The following RNF217 variants were observed in gnomAD, a reference collection of about 807,000 sequenced individuals.
RNF217 encodes E3 ubiquitin-protein ligase RNF217.
In RNF217, 31 loss-of-function variants were observed where a neutral mutation model predicts 57.8. The ratio of observed to expected loss-of-function variants is 0.54; its 90% CI spans 0.40 to 0.72. The LOEUF is 0.72. RNF217 is among the 30% of genes least tolerant of loss of function. RNF217 has a pLI of 0.00. For synonymous variants in RNF217, 313 were observed against 294.0 expected (o/e 1.06, Z -0.66); for missense variants, 696 against 708.3 (o/e 0.98, Z 0.20).
chr6:124,962,773 G>C lies in RNF217; in HGVS notation c.229G>C (p.Gly77Arg). The change falls in exon 1 of 6, where the codon GGC becomes CGC. Residue 77 changes from glycine to arginine, a missense_variant. By Grantham distance (125) the Gly-to-Arg change is moderately radical (BLOSUM62 -2). Transcript: ENST00000521654. The surrounding 1 kb of genome is among the most constrained non-coding windows in gnomAD (Gnocchi z 4.6). Reference sequence around the variant, plus strand: ...GCCCGCGAGGAGCCTGGGGCCCCCGGGCTGGAGTAAGAGCCGAGCACCGGC... The same window carrying C: ...GCCCGCGAGGAGCCTGGGGCCCCCGCGCTGGAGTAAGAGCCGAGCACCGGC... ...PEPARSLGPP[G>R]WSKSRAPAQP... 4 of 1,595,448 alleles carry C rather than the reference G, an allele frequency of 2.5e-6. No homozygotes were observed. In the Middle Eastern group the frequency reaches 5.7e-4, roughly 227 times the overall value.
At chr6:125,063,954 T>C (rs963114309) in intron 3 of RNF217, among the ~76,000 whole-genome samples, 2 of 152,216 alleles carry the variant, frequency 1.3e-5, no homozygotes, top group East Asian at 1.9e-4. Flanking sequence ...CAAGAATGTA[T>C]TGATTCAAAG....
At chr6:125,016,905 C>T (rs981066925) in intron 1 of RNF217, among the ~76,000 whole-genome samples, 1 of 152,028 alleles carries the variant, frequency 6.6e-6, no homozygotes, top group Non-Finnish European at 1.5e-5. Context: ...ACGTTCTGCA[C>T]ATGTATCACA....
Position 125,081,493 on chromosome 6 carries a change from T to C in RNF217, c.1541T>C (p.Ile514Thr), listed in dbSNP as rs1223219455. 6.2e-7 allele frequency: 1 copy of C among 1,611,040 alleles called. No individual in the cohort carries two copies. Among genetic ancestry groups the C allele is most frequent in the Admixed American group, 1.7e-5 (1 of 59,798 alleles). ...IMVLGLALGA[I>T]AVVIGLFVFP... ...GTTTTGGGATTGGCACTAGGGGCCA[T>C]AGCGGTTGTAATCGGTAAGAAACAC... Residue 514 changes from isoleucine (I) to threonine (T), a missense_variant, in exon 5 of 6, where the codon ATA becomes ACA. Transcript: ENST00000521654.
chr6:125,076,853 T>C lies in RNF217; in HGVS notation c.1478T>C (p.Val493Ala). 1 of 1,613,022 alleles carries C rather than the reference T, an allele frequency of 6.2e-7. No individual in the cohort carries two copies. Among genetic ancestry groups the C allele is most frequent in the Non-Finnish European group, 8.5e-7 (1 of 1,179,194 alleles). Reference protein sequence around the residue: ...PHLRRLVRGSVCAGKLFIAPL... With the variant: ...PHLRRLVRGSACAGKLFIAPL... ...TTAAGGAGATTAGTGCGAGGGTCAG[T>C]CTGTGGTGAGTGTCTGACATACTTA... Residue 493 changes from valine to alanine, a missense_variant, in exon 4 of 6, where the codon GTC (valine) becomes GCC (alanine). Physicochemically the swap from Val to Ala is moderately conservative, Grantham distance 64 (BLOSUM62 0). Coordinates refer to ENST00000521654, the MANE Select transcript of RNF217 (RefSeq NM_001286398.3).
chr6:125,011,524 C>G (rs1266019056), intron 1 of RNF217, among the ~76,000 whole-genome samples: 21 of 152,068 alleles, frequency 1.4e-4, no homozygotes, highest in Admixed American at 1.4e-3. Context: ...GTTTCTTGAT[C>G]TATTATTTTT....
intron 2 of RNF217, among the ~76,000 whole-genome samples, chr6:125,055,120 C>T (rs1385151950): frequency 6.6e-6 from 1 of 152,146 alleles, no homozygotes; most frequent in African/African-American, 2.4e-5. Flanking sequence ...GGGACAATTT[C>T]AGATGTAGTC....
chr6:125,051,746 T>C (rs1413999104), intron 2 of RNF217, among the ~76,000 whole-genome samples: 6 of 152,060 alleles, frequency 3.9e-5, no homozygotes. Flanking sequence ...GTGGACCTCT[T>C]GCTACTTTAT....
intron 1 of RNF217, among the ~76,000 whole-genome samples, chr6:124,982,202 A>G (rs1029122533): frequency 6.6e-6 from 1 of 152,082 alleles, no homozygotes; most frequent in Admixed American, 6.5e-5. Context: ...CCCTTGGCTT[A>G]GTGATTTTTG....
chr6:125,042,161 T>G (rs1232411507), intron 1 of RNF217, among the ~76,000 whole-genome samples: 1 of 152,090 alleles, frequency 6.6e-6, no homozygotes, highest in Non-Finnish European at 1.5e-5. Flanking sequence ...AGGTGATGAG[T>G]AACACTATAT....
chr6:124,998,234 A>G (rs768141975), intron 1 of RNF217, among the ~76,000 whole-genome samples: 7 of 151,776 alleles, frequency 4.6e-5, no homozygotes, highest in Admixed American at 6.6e-5. Flanking sequence ...TTGCCCCTCT[A>G]TTCTCCTATC....
At position 124,967,745 on chromosome 6, in the gene RNF217, TC is replaced by T. The variant is rs147426032; in HGVS notation, c.882+4321del. ...TATCCTATTATTAAATTATGAGTCA[TC>T]CAAATCTTCATGGGTAAAAGTGTAA... is the stretch of plus-strand genomic sequence containing the variant. On this transcript the variant is annotated intron_variant, in intron 1 of 5. Transcript: ENST00000521654. 2.7e-3 allele frequency among the ~76,000 whole-genome samples: 418 copies of T among 152,270 alleles called. 1 individual carries two copies. Among genetic ancestry groups the T allele is most frequent in the Non-Finnish European group, 4.8e-3 (325 of 68,000 alleles).
chr6:125,015,778 A>G (rs1427031095), intron 1 of RNF217, among the ~76,000 whole-genome samples: 1 of 152,170 alleles, frequency 6.6e-6, no homozygotes, highest in African/African-American at 2.4e-5. Flanking sequence ...ACACATATGT[A>G]ACATGTAAAG....
intron 1 of RNF217, among the ~76,000 whole-genome samples, chr6:124,972,928 C>T (rs1185614715): frequency 6.6e-6 from 1 of 152,126 alleles, no homozygotes; most frequent in Non-Finnish European, 1.5e-5. Flanking sequence ...TTCCATTAGA[C>T]TACAAAGCTT....
intron 5 of RNF217, chr6:125,082,355 C>T (rs934166077): frequency 7.9e-7 from 1 of 1,270,174 alleles, no homozygotes; most frequent in Non-Finnish European, 1.0e-6. Context: ...AATAAATGTG[C>T]AGGACAGATA....
chr6:125,045,298 C>T lies in RNF217; in HGVS notation c.970C>T (p.His324Tyr). The change falls in exon 2 of 6, where the codon CAT (histidine) becomes TAT (tyrosine). Residue 324 changes from histidine (H) to tyrosine (Y), a missense_variant. This residue lies in a region of RNF217 where 231 missense variants were observed against 321.4 expected (regional missense o/e 0.72). Coordinates refer to ENST00000521654, the MANE Select transcript of RNF217 (RefSeq NM_001286398.3). Reference protein sequence around the residue: ...EETTVVYNLTHEDSIKYKYFL... With the variant: ...EETTVVYNLTYEDSIKYKYFL... ...AACAACTGTTGTCTATAACTTAACG[C>T]ATGAAGACTCCATCAAGTATAAGTA... 1.2e-6 allele frequency: 2 copies of T among 1,613,310 alleles called. No individual in the cohort carries two copies. Among genetic ancestry groups the T allele is most frequent in the African/African-American group, 1.3e-5 (1 of 74,982 alleles).
At position 125,088,920 on chromosome 6, in the gene RNF217, C is replaced by T. The variant is rs955581856; in HGVS notation, c.*5983C>T. On this transcript the variant is annotated 3_prime_UTR_variant, in exon 6 of 6. Coordinates refer to ENST00000521654, the MANE Select transcript of RNF217 (RefSeq NM_001286398.3). ...TCAAGCTCCTTTTTCTCTTAAATTT[C>T]CTAATTATCTTGATTTTTGCCTCTG... is the stretch of plus-strand genomic sequence containing the variant. The T allele has an allele frequency of 1.3e-5, 2 of 152,514 alleles. No individual in the cohort carries two copies. Among genetic ancestry groups the T allele is most frequent in the African/African-American group, 4.8e-5 (2 of 41,428 alleles). The allele number at this position is 152,514 out of a possible 1,614,324, so 9.4% of individuals were successfully genotyped here. A position where few individuals can be genotyped will look rare whatever the true frequency, so the allele number is the denominator to read the frequency against.
At chr6:124,990,312 G>C (rs1448113220) in intron 1 of RNF217, among the ~76,000 whole-genome samples, 1 of 151,854 alleles carries the variant, frequency 6.6e-6, no homozygotes, top group African/African-American at 2.4e-5. Context: ...CCAATTTCTG[G>C]TAAGTATTCT....
intron 1 of RNF217, among the ~76,000 whole-genome samples, chr6:125,034,778 T>C (rs1786530755): frequency 6.6e-6 from 1 of 152,142 alleles, no homozygotes; most frequent in South Asian, 2.1e-4. Flanking sequence ...ATCTATAAAT[T>C]ACCTTGGGCA....
intron 1 of RNF217, among the ~76,000 whole-genome samples, chr6:125,007,516 G>A (rs572806647): frequency 6.6e-6 from 1 of 152,024 alleles, no homozygotes; most frequent in Non-Finnish European, 1.5e-5. Context: ...CAAAGTGCTG[G>A]GATTACAGGC....
Sources: gnomAD v4.1 joint callset for allele counts (sites outside exome capture counted in the v4.1 genomes callset) on GRCh38, gnomAD v4.1.1 for gene constraint, gnomAD v4.1.1 regional missense constraint, Gnocchi (gnomAD v3.1) non-coding constraint, MANE v1.5 for transcripts, NCBI Gene and HGNC (gene_info 2026-07-23, HGNC 2026-07-21) for gene names.